ARK2C: variants seen among roughly 807,000 people sequenced by gnomAD.
ARK2C encodes the protein E3 ubiquitin-protein ligase ARK2C.
At chr18:46,399,464 C>A in the ARK2C span, among the ~76,000 whole-genome samples, 1 of 152,206 alleles carries the variant, frequency 6.6e-6, no homozygotes, top group Admixed American at 6.5e-5. Flanking sequence ...CACGTGACCT[C>A]CTGTGAGGAG....
At chr18:46,389,656 G>A in the ARK2C span, among the ~76,000 whole-genome samples, 18 of 152,082 alleles carry the variant, frequency 1.2e-4, 1 homozygote, top group African/African-American at 3.9e-4. Context: ...GGGCCCACCC[G>A]GGAGCTGTCT....
the ARK2C span, among the ~76,000 whole-genome samples, chr18:46,365,038 C>T: frequency 6.6e-6 from 1 of 152,146 alleles, no homozygotes; most frequent in Admixed American, 6.5e-5. Context: ...TGGGAGTTCC[C>T]TTTCTTCTAA....
chr18:46,404,322 C>T, the ARK2C span, among the ~76,000 whole-genome samples: 1 of 152,064 alleles, frequency 6.6e-6, no homozygotes, highest in Admixed American at 6.5e-5. Flanking sequence ...TGAATTATTC[C>T]CAAGTAATTT....
At chr18:46,413,586 A>G in the ARK2C span, among the ~76,000 whole-genome samples, 1 of 152,066 alleles carries the variant, frequency 6.6e-6, no homozygotes, top group Admixed American at 6.6e-5. Flanking sequence ...TGGGGAGAGA[A>G]GGTGAGCTGA....
At chr18:46,353,411 A>G in the ARK2C span, among the ~76,000 whole-genome samples, 1 of 152,172 alleles carries the variant, frequency 6.6e-6, no homozygotes, top group Admixed American at 6.5e-5. Context: ...TCAGGCTGCT[A>G]GGTGAGAGCA....
the ARK2C span, among the ~76,000 whole-genome samples, chr18:46,384,395 G>A: frequency 6.6e-6 from 1 of 152,200 alleles, no homozygotes; most frequent in Non-Finnish European, 1.5e-5. Context: ...TTATTGCAGA[G>A]ATGCTCTTCT....
the ARK2C span, among the ~76,000 whole-genome samples, chr18:46,441,338 G>A: frequency 6.6e-6 from 1 of 152,238 alleles, no homozygotes; most frequent in East Asian, 1.9e-4. Flanking sequence ...TCCTGCCTTA[G>A]CTTCCCATGT....
At chr18:46,336,823 G>C in the ARK2C span, 1 of 985,356 alleles carries the variant, frequency 1.0e-6, no homozygotes, top group South Asian at 4.7e-5. Context: ...CTTCTTGGCA[G>C]CACCCAGGCA....
At chr18:46,400,699 C>T in the ARK2C span, among the ~76,000 whole-genome samples, 1 of 152,186 alleles carries the variant, frequency 6.6e-6, no homozygotes, top group Non-Finnish European at 1.5e-5. Flanking sequence ...CAGACTCAGA[C>T]AGCCTGTCGG....
the ARK2C span, among the ~76,000 whole-genome samples, chr18:46,389,235 G>A: frequency 0.015 from 2,309 of 152,302 alleles, 56 homozygotes; most frequent in African/African-American, 0.053. Flanking sequence ...TTAAGTGCAC[G>A]AGCATTTAGG....
At chr18:46,365,837 A>G in the ARK2C span, among the ~76,000 whole-genome samples, 4 of 152,050 alleles carry the variant, frequency 2.6e-5, no homozygotes, top group Non-Finnish European at 5.9e-5. Context: ...TTGTGGCTAG[A>G]TTTGCATGGG....
the ARK2C span, among the ~76,000 whole-genome samples, chr18:46,444,638 A>ATTTTTT: frequency 7.2e-6 from 1 of 139,222 alleles, no homozygotes; most frequent in Non-Finnish European, 1.6e-5. Flanking sequence ...TAATTTAAAC[A>ATTTTTT]TTTTTTTTTT....
At chr18:46,343,697 G>A in the ARK2C span, among the ~76,000 whole-genome samples, 64 of 152,336 alleles carry the variant, frequency 4.2e-4, 1 homozygote, top group African/African-American at 1.3e-3. Flanking sequence ...TGCTTTCCTC[G>A]TGATGAGAAG....
At chr18:46,448,737 C>T in the ARK2C span, among the ~76,000 whole-genome samples, 2 of 152,300 alleles carry the variant, frequency 1.3e-5, no homozygotes, top group South Asian at 4.2e-4. Flanking sequence ...AATCATGGGT[C>T]AGGCTGGCTT....
At chr18:46,339,880 C>A in the ARK2C span, among the ~76,000 whole-genome samples, 1 of 152,236 alleles carries the variant, frequency 6.6e-6, no homozygotes, top group Non-Finnish European at 1.5e-5. Flanking sequence ...TCACCTCCTG[C>A]CCCACCCTGT....
At chr18:46,440,577 A>C in the ARK2C span, among the ~76,000 whole-genome samples, 4 of 152,216 alleles carry the variant, frequency 2.6e-5, no homozygotes, top group South Asian at 2.1e-4. Context: ...ATATTTCACT[A>C]TGTATCTCGA....
At chr18:46,336,250 T>C in the ARK2C span, 2,042 of 985,310 alleles carry the variant, frequency 2.1e-3, 3 homozygotes, top group Non-Finnish European at 2.3e-3. Context: ...CCTGATTAAA[T>C]CATTACCATC....
chr18:46,341,722 T>C, the ARK2C span, among the ~76,000 whole-genome samples: 52 of 152,330 alleles, frequency 3.4e-4, no homozygotes, highest in Admixed American at 3.4e-3. Flanking sequence ...GAAACCCTTG[T>C]GATGTTATTC....
chr18:46,363,737 A>G, the ARK2C span, among the ~76,000 whole-genome samples: 5 of 152,090 alleles, frequency 3.3e-5, no homozygotes, highest in Admixed American at 6.6e-5. Context: ...GTCCCAGCTG[A>G]CTATAAGCTC....
Sources: allele counts gnomAD v4.1 joint callset (sites outside exome capture counted in the v4.1 genomes callset), GRCh38; gene constraint gnomAD v4.1.1; transcripts MANE v1.5; gene names NCBI Gene and HGNC (gene_info 2026-07-23, HGNC 2026-07-21).